PROK2: variants seen among roughly 807,000 people sequenced by gnomAD.
PROK2 encodes the protein prokineticin 2.
Under a neutral mutation model 14.2 loss-of-function variants are expected in PROK2, and 8 were observed. The ratio of observed to expected loss-of-function variants is 0.56; its 90% CI spans 0.33 to 1.02. The LOEUF is 1.02. Ranked by LOEUF, PROK2 falls within the 50% of genes least tolerant of loss-of-function variation. The pLI is 0.03. For missense variants in PROK2, 154 were observed against 160.4 expected, an observed-to-expected ratio of 0.96 and a Z score of 0.22; for synonymous variants, 59 against 60.7, an observed-to-expected ratio of 0.97 and a Z score of 0.13.
At position 71,771,914 on chromosome 3, in the gene PROK2, A is replaced by G. The variant is rs1048371615; in HGVS notation, c.*810T>C. 49 of 152,380 alleles carry G rather than the reference A, an allele frequency of 3.2e-4. No homozygotes were observed. Among genetic ancestry groups the G allele is most frequent in the African/African-American group, 1.2e-3 (48 of 41,432 alleles). The allele number at this position is 152,380 out of a possible 1,614,324, so 9.4% of individuals were successfully genotyped here. A position where few individuals can be genotyped will look rare whatever the true frequency, so the allele number is the denominator to read the frequency against. Reference sequence around the variant, plus strand: ...AATATCTCTAAGTAGGAGACTAAGGAAAAAAAACTTTATAAAAAGTAAAAG... The same window carrying G: ...AATATCTCTAAGTAGGAGACTAAGGGAAAAAAACTTTATAAAAAGTAAAAG... On this transcript the variant is annotated 3_prime_UTR_variant, in exon 4 of 4. Coordinates refer to ENST00000295619, the MANE Select transcript of PROK2 (RefSeq NM_001126128.2).
intron 3 of PROK2, 38 bp downstream of exon 3, chr3:71,774,407 C>T (rs1391800264): frequency 6.4e-7 from 1 of 1,551,532 alleles, no homozygotes; most frequent in Admixed American, 2.0e-5. Context: ...TTCTTCTGGG[C>T]ATGTCTTTCG....
At position 71,785,112 on chromosome 3, in the gene PROK2, T is replaced by C. The variant is rs2050204368; in HGVS notation, c.-60A>G. 2 of 1,113,382 alleles carry C rather than the reference T, an allele frequency of 1.8e-6. No individual in the cohort carries two copies. Among genetic ancestry groups the C allele is most frequent in the South Asian group, 4.5e-5 (1 of 22,094 alleles). 69.0% of individuals were successfully genotyped at this position (1,113,382 alleles called of 1,614,324 possible). On this transcript the variant is annotated 5_prime_UTR_variant, in exon 1 of 4. Transcript: ENST00000295619. ...TTGGGGGCGCGGGGCCCGGGTGCGCTGGGTGGAGCGCGGAGCGGCGGGCGG... is the reference window on the plus strand; with the variant it reads ...TTGGGGGCGCGGGGCCCGGGTGCGCCGGGTGGAGCGCGGAGCGGCGGGCGG...
chr3:71,776,909 A>G (rs183852832), intron 2 of PROK2, among the ~76,000 whole-genome samples: 6 of 152,370 alleles, frequency 3.9e-5, no homozygotes, highest in African/African-American at 1.4e-4. Context: ...ATAGCCTAGA[A>G]TTCCAAACAG....
chr3:71,776,364 A>T (rs112555918), intron 2 of PROK2, among the ~76,000 whole-genome samples: 9,564 of 75,690 alleles, frequency 0.13, 996 homozygotes, highest in Middle Eastern at 0.21. Flanking sequence ...TTCGCTTTTC[A>T]TTTTTTTTTT....
rs1029533187 is a variant in PROK2 at position 71,781,557 on chromosome 3, C to A, written c.132G>T (p.Met44Ile). Residue 44 changes from methionine (M) to isoleucine (I), a missense_variant, in exon 2 of 4, where the codon ATG (methionine) becomes ATT (isoleucine). Transcript: ENST00000295619. The stretch of plus-strand genomic sequence containing the variant: ...TGACCCAGATACTGACAGCACAGCA[C>A]ATGCCTCCACCACATTGGGAGTCCT... ...CDKDSQCGGGMCCAVSIWVKS... is the reference protein window; with the variant it reads ...CDKDSQCGGGICCAVSIWVKS... The A allele has an allele frequency of 5.0e-6, 8 of 1,612,084 alleles. No homozygotes were observed. The highest frequency in any genetic ancestry group is 6.8e-6 in the Non-Finnish European group (8 of 1,178,172).
intron 2 of PROK2, among the ~76,000 whole-genome samples, chr3:71,778,050 A>G (rs2050132794): frequency 1.3e-5 from 2 of 152,144 alleles, no homozygotes; most frequent in East Asian, 1.9e-4. Flanking sequence ...CAAAAACATT[A>G]GCCGGGCGTG....
chr3:71,785,022 G>C lies in PROK2; in HGVS notation c.31C>G (p.Leu11Val). 1.6e-6 allele frequency: 2 copies of C among 1,246,406 alleles called. No homozygotes were observed. Among genetic ancestry groups the C allele is most frequent in the Non-Finnish European group, 2.0e-6 (2 of 992,158 alleles). The allele number at this position is 1,246,406 out of a possible 1,614,324, so 77.2% of individuals were successfully genotyped here. Residue 11 changes from leucine (L) to valine (V), a missense_variant, in exon 1 of 4, where the codon CTC (leucine) becomes GTC (valine). Coordinates refer to ENST00000295619, the MANE Select transcript of PROK2 (RefSeq NM_001126128.2). Reference protein sequence around the residue: MRSLCCAPLLLLLLLPPLLLT... With the variant: MRSLCCAPLLVLLLLPPLLLT... Reference sequence around the variant, plus strand: ...AGCAGCGGCGGCAGCAGCAAGAGGAGCAGGAGTGGGGCGCAGCACAGGCTC... The same window carrying C: ...AGCAGCGGCGGCAGCAGCAAGAGGACCAGGAGTGGGGCGCAGCACAGGCTC...
intron 1 of PROK2, among the ~76,000 whole-genome samples, chr3:71,782,911 T>C (rs1302786516): frequency 1.3e-5 from 2 of 152,220 alleles, no homozygotes; most frequent in East Asian, 1.9e-4. Flanking sequence ...GTTTGGATTT[T>C]ATAGGACAAT....
In PROK2 at chr3:71,785,081, A is replaced by G; in HGVS notation, c.-29T>C. 1 of 1,223,550 alleles carries G rather than the reference A, an allele frequency of 8.2e-7. No homozygotes were observed. The highest frequency in any genetic ancestry group is 1.0e-6 in the Non-Finnish European group (1 of 977,262). The allele number at this position is 1,223,550 out of a possible 1,614,324, so 75.8% of individuals were successfully genotyped here. A position where few individuals can be genotyped will look rare whatever the true frequency, so the allele number is the denominator to read the frequency against. On this transcript the variant is annotated 5_prime_UTR_variant, in exon 1 of 4. Coordinates refer to ENST00000295619, the MANE Select transcript of PROK2 (RefSeq NM_001126128.2). ...GCCCTCGGGACTGGGCGGCCGCCGG[A>G]GGCAGTTGGGGGCGCGGGGCCCGGG...
chr3:71,776,364 A>ATTTTTTTTTTTTTTTTTTTTTTTT (rs58407323), intron 2 of PROK2, among the ~76,000 whole-genome samples: 2 of 75,436 alleles, frequency 2.7e-5, no homozygotes, highest in African/African-American at 1.0e-4. Flanking sequence ...TTCGCTTTTC[A>ATTTTTTTTTTTTTTTTTTTTTTTT]TTTTTTTTTT....
chr3:71,784,507 T>G (rs967349191), intron 1 of PROK2, among the ~76,000 whole-genome samples: 5 of 152,188 alleles, frequency 3.3e-5, no homozygotes, highest in Non-Finnish European at 7.4e-5. Flanking sequence ...TCTTTGACTG[T>G]AGGATTAAGA....
chr3:71,784,921 G>C, intron 1 of PROK2, 36 bp downstream of exon 1: 1 of 1,223,642 alleles, frequency 8.2e-7, no homozygotes, highest in Non-Finnish European at 1.0e-6. Context: ...TCCCAGGCGC[G>C]CATCAGGGGC....
chr3:71,773,043 A>G (rs1027053590), intron 3 of PROK2, among the ~76,000 whole-genome samples: 11 of 152,132 alleles, frequency 7.2e-5, no homozygotes, highest in Non-Finnish European at 1.3e-4. Flanking sequence ...GCAGTGGCAC[A>G]ATTTTGGCTC....
At chr3:71,779,548 C>T (rs2050145458) in intron 2 of PROK2, among the ~76,000 whole-genome samples, 1 of 152,178 alleles carries the variant, frequency 6.6e-6, no homozygotes, top group Non-Finnish European at 1.5e-5. Context: ...AGTAAACAGG[C>T]TATGTGATTC....
At chr3:71,784,432 G>A (rs531030878) in intron 1 of PROK2, among the ~76,000 whole-genome samples, 1 of 152,294 alleles carries the variant, frequency 6.6e-6, no homozygotes, top group East Asian at 1.9e-4. Flanking sequence ...TTTTCAAAGC[G>A]CTCACATGGC....
chr3:71,776,768 G>A (rs2050123653), intron 2 of PROK2, among the ~76,000 whole-genome samples: 1 of 152,158 alleles, frequency 6.6e-6, no homozygotes, highest in African/African-American at 2.4e-5. Context: ...GATACTGTGT[G>A]ACAAAGCTAA....
intron 2 of PROK2, among the ~76,000 whole-genome samples, chr3:71,777,139 T>G (rs1389825940): frequency 1.3e-5 from 2 of 152,200 alleles, no homozygotes; most frequent in East Asian, 3.9e-4. Context: ...TGGGAGAAAC[T>G]GGGCAAAGCG....
chr3:71,777,911 T>C (rs189233654), intron 2 of PROK2, among the ~76,000 whole-genome samples: 12 of 151,846 alleles, frequency 7.9e-5, no homozygotes, highest in Admixed American at 5.2e-4. Flanking sequence ...CATTCTTAAG[T>C]GTTAAAAAAT....
chr3:71,777,400 A>G (rs146387086), intron 2 of PROK2, among the ~76,000 whole-genome samples: 206 of 152,298 alleles, frequency 1.4e-3, no homozygotes, highest in African/African-American at 4.7e-3. Context: ...ACTTTAAAAA[A>G]TATGTAAAAA....
Sources: gnomAD v4.1 joint callset for allele counts (sites outside exome capture counted in the v4.1 genomes callset) on GRCh38, gnomAD v4.1.1 for gene constraint, MANE v1.5 for transcripts, NCBI Gene and HGNC (gene_info 2026-07-23, HGNC 2026-07-21) for gene names.